The following NRXN3 variants were observed in gnomAD, a reference collection of about 807,000 sequenced individuals.
NRXN3 encodes the protein neurexin 3.
A neutral mutation model predicts 137.6 loss-of-function variants in NRXN3; 32 were observed. The ratio of observed to expected loss-of-function variants is 0.23; its 90% CI spans 0.18 to 0.31. The LOEUF (loss-of-function observed/expected upper bound fraction) is 0.31. Among genes scored for constraint, NRXN3 ranks in the 10% least tolerant of loss-of-function variants. The pLI, the probability that NRXN3 is intolerant of heterozygous loss-of-function variation, is 1.00. For missense variants in NRXN3, 1,574 were observed against 2,062.5 expected (o/e 0.76, Z 4.59); for synonymous variants, 798 against 784.5 (o/e 1.02, Z -0.29).
chr14:79,073,817 A>G (rs1327975597), intron 15 of NRXN3, among the ~76,000 whole-genome samples: 1 of 152,186 alleles, frequency 6.6e-6, no homozygotes, highest in Non-Finnish European at 1.5e-5. Context: ...AAGTATCAAG[A>G]AAACATTTTC....
chr14:78,880,360 A>G (rs980105475), intron 10 of NRXN3, among the ~76,000 whole-genome samples: 1 of 151,902 alleles, frequency 6.6e-6, no homozygotes, highest in African/African-American at 2.4e-5. Flanking sequence ...TACCTCTCTT[A>G]GGCTTGAAGG....
intron 15 of NRXN3, among the ~76,000 whole-genome samples, chr14:79,038,088 T>C (rs2099619108): frequency 6.6e-6 from 1 of 152,150 alleles, no homozygotes; most frequent in Non-Finnish European, 1.5e-5. Flanking sequence ...ATGTAATTAT[T>C]AATGTCAATA....
chr14:79,239,965 T>A (rs1282117191), intron 15 of NRXN3, among the ~76,000 whole-genome samples: 2 of 151,932 alleles, frequency 1.3e-5, no homozygotes, highest in African/African-American at 4.8e-5. Context: ...ACAATCAAAT[T>A]TATAGAGGCA....
At chr14:79,217,831 C>T (rs1314746096) in intron 15 of NRXN3, among the ~76,000 whole-genome samples, 2 of 152,158 alleles carry the variant, frequency 1.3e-5, no homozygotes, top group Non-Finnish European at 1.5e-5. Context: ...AGAACCATTG[C>T]TTTAAACAGT....
chr14:78,817,593 C>A (rs1291754741), intron 10 of NRXN3, among the ~76,000 whole-genome samples: 1 of 151,978 alleles, frequency 6.6e-6, no homozygotes, highest in Admixed American at 6.6e-5. Flanking sequence ...TTGCATTTGG[C>A]GAGGGCTTCA....
chr14:78,905,156 T>C (rs1488305433), intron 10 of NRXN3, among the ~76,000 whole-genome samples: 1 of 152,050 alleles, frequency 6.6e-6, no homozygotes, highest in Non-Finnish European at 1.5e-5. Context: ...TTCTCTGAAG[T>C]GTACTGTGCC....
chr14:78,271,824 G>A (rs10131956), intron 2 of NRXN3, among the ~76,000 whole-genome samples: 1,987 of 152,284 alleles, frequency 0.013, 31 homozygotes, highest in African/African-American at 0.044. Context: ...TAGATGAATG[G>A]ACCCTTATGT....
intron 15 of NRXN3, among the ~76,000 whole-genome samples, chr14:79,215,794 G>A (rs1039061547): frequency 6.6e-6 from 1 of 152,146 alleles, no homozygotes; most frequent in Non-Finnish European, 1.5e-5. Flanking sequence ...ATTGGTAAAA[G>A]TTATAGAAGC....
Position 79,139,042 on chromosome 14 carries a change from C to T in NRXN3, c.3262+150901C>T, listed in dbSNP as rs144982608. Among the ~76,000 whole-genome samples, 850 of 152,258 alleles carry T rather than the reference C, an allele frequency of 5.6e-3. 7 individuals are homozygous for T. The highest frequency in any genetic ancestry group is 0.019 in the African/African-American group (790 of 41,540). On this transcript the variant is annotated intron_variant, in intron 15 of 20. Transcript: ENST00000335750. ...CTGTCTTTTCAAAGTTCTTTTCATC[C>T]CTGCAATTTCATACTTTTTCACCTT...
intron 15 of NRXN3, among the ~76,000 whole-genome samples, chr14:79,426,166 G>A (rs1028791102): frequency 6.6e-6 from 1 of 152,154 alleles, no homozygotes; most frequent in Non-Finnish European, 1.5e-5. Context: ...GCTCCAAAAT[G>A]ACAATAGTGA....
rs114878776 is a variant in NRXN3, at chr14:79,250,831, G to T, written c.3263-216390G>T. On this transcript the variant is annotated intron_variant, in intron 15 of 20. Transcript: ENST00000335750. ...GTGGCATTTAAATAAGTCTTTGAGAGATTTTTGAAATTTGAATATCTGATA... is the reference window on the plus strand; with the variant it reads ...GTGGCATTTAAATAAGTCTTTGAGATATTTTTGAAATTTGAATATCTGATA... Among the ~76,000 whole-genome samples, 1,035 of 152,300 alleles carry T rather than the reference G, an allele frequency of 6.8e-3. 9 individuals are homozygous for T. Among genetic ancestry groups the T allele is most frequent in the African/African-American group, 0.023 (971 of 41,550 alleles).
At chr14:78,881,067 A>G (rs979675891) in intron 10 of NRXN3, among the ~76,000 whole-genome samples, 1 of 151,622 alleles carries the variant, frequency 6.6e-6, no homozygotes, top group African/African-American at 2.4e-5. Flanking sequence ...TTTGCTTGGC[A>G]TTTCTCCTTC....
At chr14:79,140,769 T>C (rs2058718744) in intron 15 of NRXN3, among the ~76,000 whole-genome samples, 1 of 152,162 alleles carries the variant, frequency 6.6e-6, no homozygotes, top group African/African-American at 2.4e-5. Flanking sequence ...TTTTAGGCCA[T>C]TTCCTTCCTT....
At chr14:78,628,074 T>C (rs1226139856) in intron 4 of NRXN3, among the ~76,000 whole-genome samples, 2 of 150,324 alleles carry the variant, frequency 1.3e-5, no homozygotes, top group African/African-American at 2.4e-5. Flanking sequence ...CAGAGTTCTT[T>C]TTTTTTTTTT....
chr14:78,749,302 G>A (rs188416052), intron 8 of NRXN3, among the ~76,000 whole-genome samples: 1 of 152,244 alleles, frequency 6.6e-6, no homozygotes, highest in African/African-American at 2.4e-5. Context: ...CCAGCCAATC[G>A]GGACTCATCA....
At chr14:79,354,140 A>C (rs2093335066) in intron 15 of NRXN3, among the ~76,000 whole-genome samples, 1 of 152,174 alleles carries the variant, frequency 6.6e-6, no homozygotes. Context: ...TCAGGAGGAA[A>C]TTTAAAAGAT....
intron 9 of NRXN3, among the ~76,000 whole-genome samples, chr14:78,806,527 A>G (rs1489937194): frequency 1.3e-5 from 2 of 152,176 alleles, no homozygotes; most frequent in Non-Finnish European, 2.9e-5. Context: ...TTTCTAGCCC[A>G]TGCACTAACA....
intron 15 of NRXN3, among the ~76,000 whole-genome samples, chr14:79,142,421 G>A (rs1240466234): frequency 3.3e-5 from 5 of 149,912 alleles, no homozygotes; most frequent in African/African-American, 7.4e-5. Context: ...GTGAGACTCC[G>A]TTTCAAAAAA....
At chr14:79,189,091 T>C (rs1057033899) in intron 15 of NRXN3, among the ~76,000 whole-genome samples, 3 of 151,872 alleles carry the variant, frequency 2.0e-5, no homozygotes, top group African/African-American at 7.3e-5. Context: ...CGCACACATA[T>C]GTTTATTGCG....
Sources: allele counts gnomAD v4.1 joint callset (sites outside exome capture counted in the v4.1 genomes callset), GRCh38; gene constraint gnomAD v4.1.1; transcripts MANE v1.5; gene names NCBI Gene and HGNC (gene_info 2026-07-23, HGNC 2026-07-21).